The following VWF variants were observed in gnomAD, a reference collection of about 807,000 sequenced individuals.
The protein encoded by VWF is von Willebrand factor.
A neutral mutation model predicts 308.6 loss-of-function variants in VWF; 176 were observed. That is an observed-to-expected ratio of 0.57 (90% CI 0.50 to 0.65). VWF has a LOEUF of 0.65. Among genes scored for constraint, VWF ranks in the 30% least tolerant of loss-of-function variants. The probability of loss-of-function intolerance (pLI) is 0.00; values close to 1 mark genes in which losing one functional copy is unlikely to be tolerated. For missense variants in VWF, 3,146 were observed against 3,648.2 expected, an observed-to-expected ratio of 0.86 and a Z score of 3.55; for synonymous variants, 1,385 against 1,443.4, an observed-to-expected ratio of 0.96 and a Z score of 0.92.
chr12:6,058,799 T>TG lies in VWF; in HGVS notation c.1534-756dup, dbSNP rs1219757733. On this transcript the variant is annotated intron_variant, in intron 13 of 51. Coordinates refer to ENST00000261405, the MANE Select transcript of VWF (RefSeq NM_000552.5). This position sits in a 1 kb window ranked among gnomAD's most constrained non-coding sequence, Gnocchi z 4.9. ...GTGGTTTACTGTCCATTCTCAGAACTGAACAAAGTTCTGAGCCCAAAGTGC... is the reference window on the plus strand; with the variant it reads ...GTGGTTTACTGTCCATTCTCAGAACTGGAACAAAGTTCTGAGCCCAAAGTGC... Among the ~76,000 whole-genome samples, 1 of 152,186 alleles carries TG rather than the reference T, an allele frequency of 6.6e-6. No individual in the cohort carries two copies. The highest frequency in any genetic ancestry group is 2.4e-5 in the African/African-American group (1 of 41,444).
chr12:5,969,423 G>A, intron 44 of VWF, 32 bp from the exon 45 acceptor site: 1 of 1,613,750 alleles, frequency 6.2e-7, no homozygotes, highest in Non-Finnish European at 8.5e-7. Flanking sequence ...CCAACAAGCT[G>A]GGGCAGGGCT....
At chr12:6,118,472 C>T (rs566337188) in intron 3 of VWF, among the ~76,000 whole-genome samples, 1 of 150,406 alleles carries the variant, frequency 6.6e-6, no homozygotes, top group Admixed American at 6.7e-5. Context: ...ACAGCAACCT[C>T]CACCTCCCAA....
intron 11 of VWF, 83 bp downstream of exon 11, chr12:6,065,054 T>C: frequency 1.3e-6 from 2 of 1,599,990 alleles, no homozygotes; most frequent in Non-Finnish European, 1.7e-6. Flanking sequence ...GCCCCACGCC[T>C]TCCAGGGACT....
intron 3 of VWF, among the ~76,000 whole-genome samples, chr12:6,113,687 G>C (rs144959870): frequency 6.6e-6 from 1 of 152,308 alleles, no homozygotes; most frequent in Non-Finnish European, 1.5e-5. Flanking sequence ...CAACTTTTCT[G>C]TATGTTTCAA....
intron 22 of VWF, among the ~76,000 whole-genome samples, chr12:6,028,472 T>C (rs974936713): frequency 6.6e-6 from 1 of 151,606 alleles, no homozygotes; most frequent in Non-Finnish European, 1.5e-5. Flanking sequence ...ATTTACCAGG[T>C]TGAAATGAAG....
intron 31 of VWF, 31 bp downstream of exon 31, chr12:6,016,058 C>T (rs1264372324): frequency 1.2e-6 from 2 of 1,613,842 alleles, no homozygotes; most frequent in Non-Finnish European, 8.5e-7. Context: ...TCTCGCTCTC[C>T]TGAATTGAGG....
At chr12:6,084,182 T>C (rs1048028403) in intron 6 of VWF, among the ~76,000 whole-genome samples, 1 of 152,230 alleles carries the variant, frequency 6.6e-6, no homozygotes, top group Admixed American at 6.5e-5. Context: ...TCAAATGAGA[T>C]GACACCAGGA....
Position 6,016,156 on chromosome 12 carries a change from C to T in VWF, c.5388G>A (p.Val1796=), listed in dbSNP as rs1487778526. Residue 1796 remains valine (V), a synonymous_variant, in exon 31 of 52, where the codon GTG becomes GTA. Coordinates refer to ENST00000261405, the MANE Select transcript of VWF (RefSeq NM_000552.5). Reference sequence around the variant, plus strand: ...CAGAGACGTCCGTGACCAGGATGACCACCGCCTTTGAGGCTCCCGGCCTGG... The same window carrying T: ...CAGAGACGTCCGTGACCAGGATGACTACCGCCTTTGAGGCTCCCGGCCTGG... ...HGARPGASKA[V]VILVTDVSVD... 1.2e-6 allele frequency: 2 copies of T among 1,614,204 alleles called. No homozygotes were observed. The highest frequency in any genetic ancestry group is 8.5e-7 in the Non-Finnish European group (1 of 1,180,044).
chr12:6,029,248 T>G lies in VWF; in HGVS notation c.2967+94A>C, dbSNP rs151011260. 126 of 1,549,022 alleles carry G rather than the reference T, an allele frequency of 8.1e-5. 1 individual carries two copies. The East Asian group carries it at 2.1e-3, about 26-fold the overall frequency. On this transcript the variant is annotated intron_variant, in intron 22 of 51. Transcript: ENST00000261405. ...TGCACCCAACACAGGAGCACCTGGA[T>G]TCATAAAGCAAGTCCTTAGAGACCT...
In VWF at chr12:6,110,517, G is replaced by C. The variant is rs1433436236; in HGVS notation, c.389C>G (p.Ser130Cys). ...GGCCACAAAGCCATAGGCCTCACCG[G>C]ACAGCTTGTAGTACCCAGCCTCAGT... is the stretch of plus-strand genomic sequence containing the variant. The part of the protein sequence containing the change: ...LETEAGYYKL[S>C]GEAYGFVARI... Residue 130 changes from serine (S) to cysteine (C), a missense_variant, in exon 5 of 52, where the codon TCC (serine) becomes TGC (cysteine). By Grantham distance (112) the Ser-to-Cys change is moderately radical. Coordinates refer to ENST00000261405, the MANE Select transcript of VWF (RefSeq NM_000552.5). 1 of 1,614,062 alleles carries C rather than the reference G, an allele frequency of 6.2e-7. No individual in the cohort carries two copies. The highest frequency in any genetic ancestry group is 1.3e-5 in the African/African-American group (1 of 74,924).
intron 16 of VWF, among the ~76,000 whole-genome samples, chr12:6,048,520 C>A (rs766528030): frequency 2.0e-5 from 3 of 148,412 alleles, no homozygotes; most frequent in Non-Finnish European, 4.5e-5. Flanking sequence ...TGGAGTGCAG[C>A]GGCATGATCT....
intron 10 of VWF, among the ~76,000 whole-genome samples, chr12:6,066,839 G>A (rs906850096): frequency 2.6e-5 from 4 of 152,242 alleles, no homozygotes; most frequent in East Asian, 1.9e-4. Context: ...CCAGCCAGGG[G>A]CCAGGCTAGA....
In VWF at chr12:5,952,508, C is replaced by G. The variant is rs201890452; in HGVS notation, c.7998G>C (p.Thr2666=). The G allele has an allele frequency of 2.5e-6, 4 of 1,613,676 alleles. No individual in the cohort carries two copies. The highest frequency in any genetic ancestry group is 2.2e-5 in the East Asian group (1 of 44,892). ...AGTGAGTATCACAGCCATCCTGGAG[C>G]GTCTCATCACGCTGGAAGGAAAGAG... The part of the protein sequence containing the change: ...GQIMTLKRDE[T]LQDGCDTHFC... The change falls in exon 49 of 52, where the codon ACG becomes ACC. Residue 2666 remains threonine (T), a synonymous_variant. Transcript: ENST00000261405.
At chr12:5,954,877 A>G (rs1371970045) in intron 47 of VWF, among the ~76,000 whole-genome samples, 1 of 152,196 alleles carries the variant, frequency 6.6e-6, no homozygotes, top group Non-Finnish European at 1.5e-5. Context: ...CATAAGGGAC[A>G]AGCCTTCACA....
At chr12:6,109,591 A>C (rs1945282224) in intron 5 of VWF, among the ~76,000 whole-genome samples, 1 of 152,238 alleles carries the variant, frequency 6.6e-6, no homozygotes, top group Non-Finnish European at 1.5e-5. Flanking sequence ...TGGCAAGGGA[A>C]CATCACTAAT....
At chr12:5,967,669 T>G in intron 46 of VWF, 67 bp from the exon 47 acceptor site, 56 of 1,323,640 alleles carry the variant, frequency 4.2e-5, no homozygotes, top group Non-Finnish European at 5.4e-5. Context: ...CTCACTCTCA[T>G]ACCCTGTCTC....
Position 5,996,143 on chromosome 12 carries a change from A to G in VWF, c.5922T>C (p.Tyr1974=), listed in dbSNP as rs1943805821. 1.2e-5 allele frequency: 19 copies of G among 1,614,048 alleles called. No individual in the cohort carries two copies. The highest frequency in any genetic ancestry group is 1.4e-5 in the Non-Finnish European group (16 of 1,180,050). The change falls in exon 35 of 52, where the codon TAT becomes TAC. Residue 1974 remains tyrosine (Y), a synonymous_variant. Coordinates refer to ENST00000261405, the MANE Select transcript of VWF (RefSeq NM_000552.5). ...QNFKLTGSCS[Y]VLFQNKEQDL... ...CCTGCTCCTTGTTTTGAAATAGGAC[A>G]TAAGAACAGCTGCCAGTCAGCTTGA... is the stretch of plus-strand genomic sequence containing the variant.
intron 51 of VWF, 49 bp downstream of exon 51, chr12:5,949,737 C>G: frequency 6.4e-7 from 1 of 1,557,866 alleles, no homozygotes; most frequent in Non-Finnish European, 8.9e-7. Context: ...TATCCGAACA[C>G]GGAGGCTCAG....
chr12:5,964,222 ACATACATACATACATACATACATACATG>A lies in VWF; in HGVS notation c.7887+3236_7887+3263del, dbSNP rs201413589. On this transcript the variant is annotated intron_variant, in intron 47 of 51. Coordinates refer to ENST00000261405, the MANE Select transcript of VWF (RefSeq NM_000552.5). Reference sequence around the variant, plus strand: ...ACAGAGAGAGACTCTGTCTAAAAATACATACATACATACATACATACATACATGCATACATACATACATACATACATGC... The same window carrying A: ...ACAGAGAGAGACTCTGTCTAAAAATACATACATACATACATACATACATGC... 1.5e-4 allele frequency among the ~76,000 whole-genome samples: 18 copies of A among 116,754 alleles called. No individual in the cohort carries two copies. The East Asian group carries it at 2.7e-3, about 17-fold the overall frequency. The allele number at this position is 116,754 out of a possible 152,430, so 76.6% of individuals were successfully genotyped here. A position where few individuals can be genotyped will look rare whatever the true frequency, so the allele number is the denominator to read the frequency against.
Sources: allele counts gnomAD v4.1 joint callset (sites outside exome capture counted in the v4.1 genomes callset), GRCh38; gene constraint gnomAD v4.1.1; non-coding constraint Gnocchi (gnomAD v3.1); transcripts MANE v1.5; gene names NCBI Gene and HGNC (gene_info 2026-07-23, HGNC 2026-07-21).